USP24: variants seen among roughly 807,000 people sequenced by gnomAD.
USP24 encodes the protein ubiquitin specific peptidase 24, also known as ubiquitin carboxyl-terminal hydrolase 24.
In USP24, 97 loss-of-function variants were observed where a neutral mutation model predicts 361.6. The observed-to-expected ratio is 0.27, with a 90% CI of 0.23 to 0.32. The LOEUF is 0.32. Among genes scored for constraint, USP24 ranks in the 10% least tolerant of loss-of-function variants. The pLI is 1.00. For synonymous variants in USP24, 1,098 were observed against 1,124.6 expected (o/e 0.98, Z 0.47); for missense variants, 2,353 against 3,165.6 (o/e 0.74, Z 6.16).
rs186444879 is a variant in USP24, at chr1:55,195,399, G to A, written c.325-17267C>T. 2.9e-3 allele frequency among the ~76,000 whole-genome samples: 442 copies of A among 152,254 alleles called. 3 individuals carry two copies. Among genetic ancestry groups the A allele is most frequent in the African/African-American group, 0.01 (430 of 41,534 alleles). ...GAGCGTTGAGATTCCTCCAAGCAAAGGAAGGTATTCTGTCTTCTATTTTTA... is the reference window on the plus strand; with the variant it reads ...GAGCGTTGAGATTCCTCCAAGCAAAAGAAGGTATTCTGTCTTCTATTTTTA... On this transcript the variant is annotated intron_variant, in intron 1 of 67. Transcript: ENST00000294383.
chr1:55,211,853 A>G (rs114261678), intron 1 of USP24, among the ~76,000 whole-genome samples: 1,808 of 152,360 alleles, frequency 0.012, 29 homozygotes, highest in African/African-American at 0.041. Context: ...GAAGACAATG[A>G]CACTGAAATG....
intron 59 of USP24, among the ~76,000 whole-genome samples, chr1:55,080,155 C>G (rs1480353712): frequency 6.6e-6 from 1 of 152,138 alleles, no homozygotes; most frequent in Non-Finnish European, 1.5e-5. Context: ...GCAGAATCAA[C>G]CCATATAGAA....
Position 55,171,579 on chromosome 1 carries a change from A to G in USP24, c.802T>C (p.Ser268Pro). 6.2e-7 allele frequency: 1 copy of G among 1,611,396 alleles called. No homozygotes were observed. The highest frequency in any genetic ancestry group is 8.5e-7 in the Non-Finnish European group (1 of 1,178,676). The change falls in exon 5 of 68, where the codon TCA (serine) becomes CCA (proline). Residue 268 changes from serine to proline, a missense_variant. Ser to Pro is a moderately conservative substitution (Grantham distance 74, BLOSUM62 -1). Coordinates refer to ENST00000294383, the MANE Select transcript of USP24 (RefSeq NM_015306.3). ...ACCTTTTGGAAAGTCGATACAGGTG[A>G]AACAGCAAACATATTTCCCTCTCCA... ...VFGEGNMFAV[S>P]PVSTFQKEPH...
intron 63 of USP24, 87 bp downstream of exon 63, chr1:55,075,370 A>C: frequency 7.8e-7 from 1 of 1,278,308 alleles, no homozygotes; most frequent in Non-Finnish European, 1.1e-6. Context: ...GATCCCACCG[A>C]GAGTAGCAGG....
intron 20 of USP24, 72 bp from the exon 21 acceptor site, chr1:55,144,275 T>TG (rs1382553838): frequency 1.9e-6 from 2 of 1,035,274 alleles, no homozygotes; most frequent in Admixed American, 3.1e-5. Context: ...AGACTCAAAG[T>TG]GGATCAAGAA....
chr1:55,179,425 C>T (rs1344404014), intron 1 of USP24, among the ~76,000 whole-genome samples: 1 of 152,240 alleles, frequency 6.6e-6, no homozygotes, highest in African/African-American at 2.4e-5. Context: ...TACCTCCTAT[C>T]TGTAGATGAC....
chr1:55,093,369 G>A (rs1423946838), intron 52 of USP24, among the ~76,000 whole-genome samples: 1 of 152,238 alleles, frequency 6.6e-6, no homozygotes, highest in Admixed American at 6.5e-5. Flanking sequence ...AGTCTGGACT[G>A]AGTAGACAGT....
Position 55,092,905 on chromosome 1 carries a change from A to T in USP24, c.6366T>A (p.Asp2122Glu), listed in dbSNP as rs1416217812. 6.4e-7 allele frequency: 1 copy of T among 1,558,262 alleles called. No individual in the cohort carries two copies. The highest frequency in any genetic ancestry group is 8.7e-7 in the Non-Finnish European group (1 of 1,155,638). Residue 2122 changes from aspartate to glutamate, a missense_variant, in exon 53 of 68, where the codon GAT (aspartate) becomes GAA (glutamate). Asp to Glu is a conservative substitution (Grantham distance 45). Coordinates refer to ENST00000294383, the MANE Select transcript of USP24 (RefSeq NM_015306.3). ...MPARIYQMVR[D>E]ENLKFMKNRD... The stretch of plus-strand genomic sequence containing the variant: ...TATTCTTCATAAACTTGAGGTTCTC[A>T]TCTCTCACCATCTACAAAAGAAGAT...
chr1:55,132,120 A>G (rs1160171081), intron 31 of USP24, among the ~76,000 whole-genome samples: 2 of 152,132 alleles, frequency 1.3e-5, no homozygotes, highest in African/African-American at 4.8e-5. Context: ...TCTTTTGGGG[A>G]GGCTAATTAC....
intron 21 of USP24, 58 bp downstream of exon 21, chr1:55,144,069 G>C: frequency 7.5e-7 from 1 of 1,336,286 alleles, no homozygotes; most frequent in Non-Finnish European, 1.0e-6. Context: ...TTTTTTTGCT[G>C]AATATCAAGT....
chr1:55,121,368 G>C, intron 37 of USP24, 68 bp downstream of exon 37: 2 of 1,393,658 alleles, frequency 1.4e-6, no homozygotes, highest in Non-Finnish European at 2.0e-6. Context: ...CAATGTCACA[G>C]GTAGTTGAGA....
At chr1:55,150,219 C>T (rs1187272458) in intron 16 of USP24, among the ~76,000 whole-genome samples, 2 of 152,172 alleles carry the variant, frequency 1.3e-5, no homozygotes, top group African/African-American at 4.8e-5. Flanking sequence ...CAAAGCATTA[C>T]TATATACAAT....
chr1:55,214,713 G>C (rs1366956924), intron 1 of USP24, 77 bp downstream of exon 1: 17 of 1,092,956 alleles, frequency 1.6e-5, no homozygotes, highest in Non-Finnish European at 1.9e-5. Flanking sequence ...CCCACACCAA[G>C]CCCAGCGGGG....
intron 1 of USP24, among the ~76,000 whole-genome samples, chr1:55,185,751 T>G (rs1019251734): frequency 4.3e-5 from 6 of 139,122 alleles, no homozygotes; most frequent in African/African-American, 1.6e-4. Context: ...TTTTTTTTTG[T>G]AGAGACAGGG....
intron 66 of USP24, 46 bp from the exon 67 acceptor site, chr1:55,071,970 G>A (rs1291970345): frequency 3.3e-6 from 5 of 1,526,586 alleles, no homozygotes; most frequent in Non-Finnish European, 4.5e-6. Flanking sequence ...GGCCCATTCA[G>A]TGGCAGCAGC....
Position 55,079,591 on chromosome 1 carries a change from CATG to C in USP24, c.7144_7146del (p.His2382del). The stretch of plus-strand genomic sequence containing the variant: ...ATGAACAACAAGGCTTCTACCTCCT[CATG>C]GAGGGGCAACAGAGGGCTTGAGGGA... On this transcript the variant is annotated inframe_deletion, in exon 60 of 68. Coordinates refer to ENST00000294383, the MANE Select transcript of USP24 (RefSeq NM_015306.3). The C allele has an allele frequency of 6.4e-7, 1 of 1,567,050 alleles. No individual in the cohort carries two copies. Among genetic ancestry groups the C allele is most frequent in the Non-Finnish European group, 8.6e-7 (1 of 1,163,822 alleles).
At chr1:55,070,255 A>G (rs1343715329) in intron 67 of USP24, among the ~76,000 whole-genome samples, 1 of 152,140 alleles carries the variant, frequency 6.6e-6, no homozygotes, top group Non-Finnish European at 1.5e-5. Context: ...CAAGAACAAG[A>G]GAGCTGGATG....
At chr1:55,212,688 G>GAAAA (rs1218201930) in intron 1 of USP24, among the ~76,000 whole-genome samples, 3,344 of 152,270 alleles carry the variant, frequency 0.022, 90 homozygotes, top group African/African-American at 0.057. Flanking sequence ...AAAGGCTCCT[G>GAAAA]TGTGTCAGGA....
chr1:55,121,478 A>G lies in USP24; in HGVS notation c.4305T>C (p.Ala1435=), dbSNP rs1185064210. The change falls in exon 37 of 68, where the codon GCT becomes GCC. Residue 1435 remains alanine (A), a synonymous_variant. Coordinates refer to ENST00000294383, the MANE Select transcript of USP24 (RefSeq NM_015306.3). The stretch of plus-strand genomic sequence containing the variant: ...CGAGCAGAATATCAATGATGAAATC[A>G]GCAACACAGGGCAAGTTATAGAAAG... ...LASFYNLPCV[A]DFIIDILLGS... 4.3e-6 allele frequency: 7 copies of G among 1,613,808 alleles called. No individual in the cohort carries two copies. The Admixed American group carries it at 1.2e-4, about 27-fold the overall frequency.
Sources: gnomAD v4.1 joint callset for allele counts (sites outside exome capture counted in the v4.1 genomes callset) on GRCh38, gnomAD v4.1.1 for gene constraint, MANE v1.5 for transcripts, NCBI Gene and HGNC (gene_info 2026-07-23, HGNC 2026-07-21) for gene names.